CNTNAP2: variants seen among roughly 807,000 people sequenced by gnomAD.
The protein encoded by CNTNAP2 is contactin associated protein 2, also known as contactin-associated protein-like 2.
In CNTNAP2, 98 loss-of-function variants were observed where a neutral mutation model predicts 155.2. The observed-to-expected ratio is 0.63, with a 90% CI of 0.54 to 0.75. The LOEUF (loss-of-function observed/expected upper bound fraction) is 0.75. Among genes scored for constraint, CNTNAP2 ranks in the 30% least tolerant of loss-of-function variants. The pLI, the probability that CNTNAP2 is intolerant of heterozygous loss-of-function variation, is 0.00. For missense variants in CNTNAP2, 1,727 were observed against 1,688.1 expected (o/e 1.02, Z -0.40); for synonymous variants, 651 against 631.2 (o/e 1.03, Z -0.47).
intron 1 of CNTNAP2, among the ~76,000 whole-genome samples, chr7:146,168,777 G>A (rs1196548938): frequency 6.6e-6 from 1 of 152,088 alleles, no homozygotes; most frequent in Non-Finnish European, 1.5e-5. Flanking sequence ...TTTTACCCAA[G>A]AACTATTTTC....
chr7:148,191,095 C>T (rs1795197043), intron 18 of CNTNAP2, among the ~76,000 whole-genome samples: 2 of 152,232 alleles, frequency 1.3e-5, no homozygotes, highest in South Asian at 4.1e-4. Flanking sequence ...AAAAAGCATG[C>T]ACTAGAAATG....
In CNTNAP2 at chr7:148,169,741, C is replaced by G. The variant is rs2116687238; in HGVS notation, c.2774-2501C>G. ...CTTTGGGAGGCCAAGGCAGGCAGAT[C>G]ACGAGGTCAGGAGTTCGAGACCAGC... is the stretch of plus-strand genomic sequence containing the variant. On this transcript the variant is annotated intron_variant, in intron 17 of 23. Transcript: ENST00000361727. Among the ~76,000 whole-genome samples, 5 of 152,304 alleles carry G rather than the reference C, an allele frequency of 3.3e-5. 1 individual carries two copies. The Middle Eastern group carries it at 0.017, about 518-fold the overall frequency.
At chr7:146,201,463 A>G (rs973774880) in intron 1 of CNTNAP2, among the ~76,000 whole-genome samples, 1 of 152,166 alleles carries the variant, frequency 6.6e-6, no homozygotes, top group African/African-American at 2.4e-5. Flanking sequence ...GATGTTCAAG[A>G]TACATTAATG....
chr7:146,993,635 C>T (rs1798251365), intron 3 of CNTNAP2, among the ~76,000 whole-genome samples: 1 of 152,084 alleles, frequency 6.6e-6, no homozygotes, highest in African/African-American at 2.4e-5. Context: ...TCCTGCCCCG[C>T]TCAAGCCTTG....
chr7:147,141,738 AC>A (rs1304935822), intron 8 of CNTNAP2, among the ~76,000 whole-genome samples: 1 of 152,116 alleles, frequency 6.6e-6, no homozygotes, highest in Non-Finnish European at 1.5e-5. Flanking sequence ...GGAATATGAC[AC>A]ATCTGAAATA....
intron 1 of CNTNAP2, among the ~76,000 whole-genome samples, chr7:146,320,893 G>A (rs1010315351): frequency 2.0e-5 from 3 of 151,926 alleles, no homozygotes; most frequent in African/African-American, 7.3e-5. Flanking sequence ...TCTGAACAAT[G>A]AAATAAATAT....
intron 15 of CNTNAP2, among the ~76,000 whole-genome samples, chr7:148,055,197 CT>C (rs1802984681): frequency 3.3e-5 from 5 of 152,056 alleles, no homozygotes; most frequent in African/African-American, 1.2e-4. Flanking sequence ...AAATAGGCAT[CT>C]TTGATGGCCT....
intron 18 of CNTNAP2, among the ~76,000 whole-genome samples, chr7:148,173,370 T>C (rs1432934269): frequency 6.6e-6 from 1 of 152,214 alleles, no homozygotes; most frequent in Non-Finnish European, 1.5e-5. Context: ...GGTAAAGTTT[T>C]CTGTGAGCGG....
In CNTNAP2 at chr7:147,280,586, G is replaced by A. The variant is rs1248671211; in HGVS notation, c.1349-19555G>A. On this transcript the variant is annotated intron_variant, in intron 8 of 23. Transcript: ENST00000361727. ...AAAAGCCACACAAAGTTTAACTCAA[G>A]CAGTCTCATTGTTCTTTCTCCCACA... Among the ~76,000 whole-genome samples the A allele has an allele frequency of 3.3e-5, 5 of 151,748 alleles. No individual in the cohort carries two copies. The East Asian group carries it at 9.6e-4, about 29-fold the overall frequency.
intron 10 of CNTNAP2, among the ~76,000 whole-genome samples, chr7:147,401,710 A>G (rs915159972): frequency 6.6e-6 from 1 of 152,136 alleles, no homozygotes; most frequent in African/African-American, 2.4e-5. Context: ...TTCTCATGAT[A>G]GTGAGTGAGT....
intron 13 of CNTNAP2, among the ~76,000 whole-genome samples, chr7:147,833,373 C>T (rs1056288319): frequency 1.3e-5 from 2 of 152,184 alleles, no homozygotes; most frequent in Non-Finnish European, 2.9e-5. Context: ...AAATAAGGAG[C>T]TGTGATAGAT....
intron 1 of CNTNAP2, among the ~76,000 whole-genome samples, chr7:146,668,007 ATT>A (rs1800228156): frequency 6.6e-6 from 1 of 152,008 alleles, no homozygotes. Context: ...CTAGTTCTAT[ATT>A]GAGTGCAAGT....
At chr7:147,742,906 G>A (rs1439153708) in intron 13 of CNTNAP2, among the ~76,000 whole-genome samples, 1 of 152,178 alleles carries the variant, frequency 6.6e-6, no homozygotes. Context: ...CCTCGATGTG[G>A]TCCCAATACA....
intron 3 of CNTNAP2, among the ~76,000 whole-genome samples, chr7:146,848,333 A>G (rs1794802441): frequency 6.6e-6 from 1 of 152,226 alleles, no homozygotes; most frequent in East Asian, 1.9e-4. Flanking sequence ...CAAATTGCAG[A>G]CAGATTTATC....
chr7:148,200,164 G>A (rs1298589151), intron 18 of CNTNAP2, among the ~76,000 whole-genome samples: 1 of 152,194 alleles, frequency 6.6e-6, no homozygotes, highest in African/African-American at 2.4e-5. Flanking sequence ...CAGAAATCAT[G>A]TTTTATCAGC....
intron 21 of CNTNAP2, among the ~76,000 whole-genome samples, chr7:148,380,435 G>A (rs1182434768): frequency 6.6e-6 from 1 of 152,138 alleles, no homozygotes; most frequent in African/African-American, 2.4e-5. Context: ...CCACATTTTT[G>A]AAAATCAAAT....
chr7:148,166,060 G>A (rs914395402), intron 17 of CNTNAP2, among the ~76,000 whole-genome samples: 7 of 151,702 alleles, frequency 4.6e-5, no homozygotes, highest in African/African-American at 1.7e-4. Flanking sequence ...TTCCTCAGTG[G>A]GGCCTATCCT....
chr7:146,295,522 C>T (rs1800500018), intron 1 of CNTNAP2, among the ~76,000 whole-genome samples: 1 of 151,916 alleles, frequency 6.6e-6, no homozygotes, highest in Non-Finnish European at 1.5e-5. Flanking sequence ...AGAGATAAAA[C>T]AATTAAAATC....
chr7:147,473,935 C>T (rs570624069), intron 10 of CNTNAP2, among the ~76,000 whole-genome samples: 7 of 151,948 alleles, frequency 4.6e-5, no homozygotes, highest in East Asian at 3.9e-4. Context: ...CAAAATCAGC[C>T]GGGCGTGGTG....
Sources: gnomAD v4.1 joint callset for allele counts (sites outside exome capture counted in the v4.1 genomes callset) on GRCh38, gnomAD v4.1.1 for gene constraint, MANE v1.5 for transcripts, NCBI Gene and HGNC (gene_info 2026-07-23, HGNC 2026-07-21) for gene names.